The following C6orf118 variants were observed in gnomAD, a reference collection of about 807,000 sequenced individuals.
C6orf118 encodes uncharacterized protein C6orf118.
A neutral mutation model predicts 50.2 loss-of-function variants in C6orf118; 50 were observed. The observed-to-expected ratio is 1.00, with a 90% confidence interval of 0.79 to 1.26. C6orf118 has a LOEUF of 1.26. Ranked by LOEUF, C6orf118 falls within the 50% of genes most tolerant of loss-of-function variation. The probability of loss-of-function intolerance (pLI) is 0.00; values close to 1 mark genes in which losing one functional copy is unlikely to be tolerated. For missense variants in C6orf118, 641 were observed against 578.7 expected (o/e 1.11, Z -1.10); for synonymous variants, 239 against 230.9 (o/e 1.03, Z -0.32).
intron 7 of C6orf118, among the ~76,000 whole-genome samples, chr6:165,283,947 G>A (rs924227318): frequency 1.3e-5 from 2 of 152,172 alleles, no homozygotes; most frequent in African/African-American, 4.8e-5. Context: ...CACCTCTCCA[G>A]CAAGGGCATA....
chr6:165,307,212 C>G (rs1316429787), intron 1 of C6orf118, among the ~76,000 whole-genome samples: 2 of 48,128 alleles, frequency 4.2e-5, no homozygotes, highest in South Asian at 1.3e-3. Context: ...ATCCCCCCAC[C>G]CCCCCCACCC....
intron 5 of C6orf118, among the ~76,000 whole-genome samples, chr6:165,296,858 A>G (rs1583016944): frequency 6.6e-6 from 1 of 152,170 alleles, no homozygotes; most frequent in South Asian, 2.1e-4. Flanking sequence ...GTCACCTTTT[A>G]CCAGCCAGGG....
Position 165,289,929 on chromosome 6 carries a change from G to T in C6orf118, c.1259C>A (p.Thr420Asn). ...EKEIKTTLVH[T>N]GISDITENRI... ...ATTCTCAGTGATATCTGAAATTCCA[G>T]TATGAACCAAAGTTGTTTTAATTTC... is the stretch of plus-strand genomic sequence containing the variant. Residue 420 changes from threonine to asparagine, a missense_variant, in exon 7 of 9, where the codon ACT becomes AAT. Thr to Asn is a moderately conservative substitution (Grantham distance 65). Transcript: ENST00000230301. 1 of 1,609,386 alleles carries T rather than the reference G, an allele frequency of 6.2e-7. No homozygotes were observed. The highest frequency in any genetic ancestry group is 8.5e-7 in the Non-Finnish European group (1 of 1,178,030).
At chr6:165,290,125 T>C (rs574024587) in intron 6 of C6orf118, 58 bp from the exon 7 acceptor site, 3 of 1,004,680 alleles carry the variant, frequency 3.0e-6, no homozygotes, top group Non-Finnish European at 2.9e-6. Flanking sequence ...TTATTATTAA[T>C]AGCATTATGT....
In C6orf118 at chr6:165,309,411, T is replaced by A. The variant is rs569164312; in HGVS notation, c.25+151A>T. On this transcript the variant is annotated intron_variant, in intron 1 of 8. Coordinates refer to ENST00000230301, the MANE Select transcript of C6orf118 (RefSeq NM_144980.4). Reference sequence around the variant, plus strand: ...CTCTGAGGAGGCAGCACAACCCCAATCCAGTCCTCAGCCCTAGTGACCCTG... The same window carrying A: ...CTCTGAGGAGGCAGCACAACCCCAAACCAGTCCTCAGCCCTAGTGACCCTG... The A allele has an allele frequency of 4.1e-4, 360 of 877,278 alleles. 2 individuals are homozygous for A. The highest frequency in any genetic ancestry group is 8.7e-4 in the Admixed American group (40 of 46,120). The allele number at this position is 877,278 out of a possible 1,614,324, so 54.3% of individuals were successfully genotyped here.
Position 165,300,426 on chromosome 6 carries a change from T to C in C6orf118, c.814A>G (p.Lys272Glu), listed in dbSNP as rs1441802904. The change falls in exon 3 of 9, where the codon AAA (lysine) becomes GAA (glutamate). Residue 272 changes from lysine to glutamate, a missense_variant. Coordinates refer to ENST00000230301, the MANE Select transcript of C6orf118 (RefSeq NM_144980.4). ...CTGTTACAAATATCTTCAAAGACTT[T>C]TCCAAAGACGTGCAGTCTGTTGAAC... Reference protein sequence around the residue: ...QQFNRLHVFGKVFEDICNSSL... With the variant: ...QQFNRLHVFGEVFEDICNSSL... 1 of 1,614,030 alleles carries C rather than the reference T, an allele frequency of 6.2e-7. No homozygotes were observed.
intron 7 of C6orf118, among the ~76,000 whole-genome samples, chr6:165,289,347 C>T (rs1781618432): frequency 6.6e-6 from 1 of 151,870 alleles, no homozygotes; most frequent in African/African-American, 2.4e-5. Flanking sequence ...AACTATAGAA[C>T]CACAATAAAA....
Position 165,301,919 on chromosome 6 carries a change from G to A in C6orf118, c.403C>T (p.Gln135Ter), listed in dbSNP as rs1422339097. Residue 135 changes from glutamine to a stop codon, truncating the protein, a stop_gained, in exon 2 of 9, where the codon CAG becomes TAG. Transcript: ENST00000230301. LOFTEE classifies it high-confidence loss of function. Reference protein sequence around the residue: ...DTPLFRYLNPQASLSHTSEED... With the variant: ...DTPLFRYLNP The stretch of plus-strand genomic sequence containing the variant: ...TCTGAAGTGTGGGAAAGAGAGGCCT[G>A]GGGGTTCAGGTACCTGAACAGCGGG... 1.2e-6 allele frequency: 2 copies of A among 1,613,682 alleles called. No individual in the cohort carries two copies. Among genetic ancestry groups the A allele is most frequent in the Admixed American group, 3.3e-5 (2 of 60,012 alleles).
intron 7 of C6orf118, among the ~76,000 whole-genome samples, chr6:165,283,547 A>G (rs1779803758): frequency 6.6e-6 from 1 of 152,104 alleles, no homozygotes; most frequent in African/African-American, 2.4e-5. Context: ...ATCGCCAGAC[A>G]CCTTATACAA....
At chr6:165,300,238 T>G in intron 3 of C6orf118, 126 bp downstream of exon 3, 1 of 1,119,198 alleles carries the variant, frequency 8.9e-7, no homozygotes, top group Non-Finnish European at 1.3e-6. Flanking sequence ...CTGGGAGTGA[T>G]GGTCCCTGTC....
Position 165,281,683 on chromosome 6 carries a change from A to G in C6orf118, c.1313T>C (p.Ile438Thr). ...NRIKSIEHEA[I>T]QLETENMILK... The stretch of plus-strand genomic sequence containing the variant: ...AATCATATTTTCTGTTTCCAATTGT[A>G]TAGCTTCATGCTGGAAGAGAAGTTG... Residue 438 changes from isoleucine to threonine, a missense_variant, in exon 8 of 9, where the codon ATA becomes ACA. Transcript: ENST00000230301. 1 of 1,493,806 alleles carries G rather than the reference A, an allele frequency of 6.7e-7. No individual in the cohort carries two copies. Among genetic ancestry groups the G allele is most frequent in the Non-Finnish European group, 9.0e-7 (1 of 1,113,090 alleles). The allele number at this position is 1,493,806 out of a possible 1,614,324, so 92.5% of individuals were successfully genotyped here.
rs1780357139 is a variant in C6orf118, at chr6:165,297,639, C to T, written c.1061+338G>A. 3.9e-5 allele frequency among the ~76,000 whole-genome samples: 6 copies of T among 152,148 alleles called. No individual in the cohort carries two copies. In the South Asian group the frequency reaches 1.2e-3, roughly 32 times the overall value. On this transcript the variant is annotated intron_variant, in intron 5 of 8. Coordinates refer to ENST00000230301, the MANE Select transcript of C6orf118 (RefSeq NM_144980.4). ...ATACAGAGAGGTTATATTAGAAGAGCTTTGTAAGTTAAAAAACAATAGGGG... is the reference window on the plus strand; with the variant it reads ...ATACAGAGAGGTTATATTAGAAGAGTTTTGTAAGTTAAAAAACAATAGGGG...
At chr6:165,299,421 G>A in intron 4 of C6orf118, 22 bp downstream of exon 4, 1 of 1,611,302 alleles carries the variant, frequency 6.2e-7, no homozygotes. Flanking sequence ...CTCTATTCAG[G>A]CTCTTTGTGA....
intron 5 of C6orf118, among the ~76,000 whole-genome samples, chr6:165,296,250 GTTTT>G (rs56394079): frequency 0.023 from 2,349 of 103,398 alleles, 86 homozygotes; most frequent in African/African-American, 0.06. Flanking sequence ...TTCGTTTTTT[GTTTT>G]TTTTTTTTTT....
chr6:165,302,022 C>T lies in C6orf118; in HGVS notation c.300G>A (p.Gly100=), dbSNP rs1484186921. The T allele has an allele frequency of 6.8e-6, 11 of 1,613,418 alleles. No homozygotes were observed. The highest frequency in any genetic ancestry group is 1.7e-5 in the Admixed American group (1 of 60,006). Residue 100 remains glycine, a synonymous_variant, in exon 2 of 9, where the codon GGG becomes GGA. Transcript: ENST00000230301. ...GGGCCTCCTTCATCCTCGCCACCTTCCCTGCGGGCGGCTCTCCCACCTCAG... is the reference window on the plus strand; with the variant it reads ...GGGCCTCCTTCATCCTCGCCACCTTTCCTGCGGGCGGCTCTCCCACCTCAG... ...RASEVGEPPA[G]KVARMKEALA...
rs771377350 is a variant in C6orf118 at position 165,293,479 on chromosome 6, G to C, written c.1062-8C>G. On this transcript the variant is annotated splice_polypyrimidine_tract_variant and splice_region_variant and intron_variant, in intron 5 of 8. Transcript: ENST00000230301. ...TCCAGTTCACTTCTGAGTCTACAAT[G>C]TGAGGATAAACAATAGGGAAATATT... The C allele has an allele frequency of 1.2e-6, 2 of 1,611,042 alleles. No homozygotes were observed. The highest frequency in any genetic ancestry group is 1.7e-6 in the Non-Finnish European group (2 of 1,177,712).
intron 2 of C6orf118, 63 bp downstream of exon 2, chr6:165,301,506 C>T (rs1172333001): frequency 6.5e-7 from 1 of 1,542,932 alleles, no homozygotes; most frequent in African/African-American, 1.4e-5. Flanking sequence ...CCTGAGAGCA[C>T]TGCACCGAGA....
Position 165,280,082 on chromosome 6 carries a change from C to A in C6orf118, c.1385G>T (p.Cys462Phe). The change falls in exon 9 of 9, where the codon TGT becomes TTT. Residue 462 changes from cysteine to phenylalanine, a missense_variant. Physicochemically the swap from Cys to Phe is radical, Grantham distance 205 (BLOSUM62 -2). Coordinates refer to ENST00000230301, the MANE Select transcript of C6orf118 (RefSeq NM_144980.4). ...KGPLEIYQGI[C>F]KIRGNRR ...TTATCTTCTGTTTCCTCTGATTTTA[C>A]AAATTCCTTGATAAATTTCCAAAGG... The A allele has an allele frequency of 6.2e-7, 1 of 1,608,172 alleles. No homozygotes were observed. Among genetic ancestry groups the A allele is most frequent in the Non-Finnish European group, 8.5e-7 (1 of 1,178,442 alleles).
intron 5 of C6orf118, among the ~76,000 whole-genome samples, chr6:165,294,309 A>G (rs558399227): frequency 1.6e-4 from 24 of 151,970 alleles, no homozygotes; most frequent in African/African-American, 5.3e-4. Flanking sequence ...TAATACAAGA[A>G]ACTTTAAAAA....
Sources: allele counts gnomAD v4.1 joint callset (sites outside exome capture counted in the v4.1 genomes callset), GRCh38; gene constraint gnomAD v4.1.1; transcripts MANE v1.5; gene names NCBI Gene and HGNC (gene_info 2026-07-23, HGNC 2026-07-21).